NLRP8: variants seen among roughly 807,000 people sequenced by gnomAD.
NLRP8 encodes NACHT, LRR and PYD domains-containing protein 8.
In NLRP8, 86 loss-of-function variants were observed where a neutral mutation model predicts 88.7. The ratio of observed to expected loss-of-function variants is 0.97; its 90% CI spans 0.81 to 1.16. The LOEUF is 1.16. Among genes scored for constraint, NLRP8 ranks in the 50% most tolerant of loss-of-function variants. The pLI, the probability that NLRP8 is intolerant of heterozygous loss-of-function variation, is 0.00. For synonymous variants in NLRP8, 504 were observed against 494.6 expected (o/e 1.02, Z -0.25); for missense variants, 1,342 against 1,286.5 (o/e 1.04, Z -0.66).
rs780097624 is a variant in NLRP8 at position 55,947,881 on chromosome 19, G to A, written c.-22G>A. On this transcript the variant is annotated 5_prime_UTR_variant, in exon 1 of 10. In the 5' UTR this introduces an upstream ATG that the reference lacks. Transcript: ENST00000291971. ...GGTTGTCTTTATCGTGGACACTGAG[G>A]TGTTCTCTGCCTTGACTAAAGATGA... is the stretch of plus-strand genomic sequence containing the variant. The A allele has an allele frequency of 1.7e-5, 27 of 1,591,964 alleles. No homozygotes were observed. The highest frequency in any genetic ancestry group is 2.2e-5 in the Non-Finnish European group (26 of 1,167,278).
chr19:55,983,725 G>A (rs1980675530), intron 9 of NLRP8, among the ~76,000 whole-genome samples: 1 of 143,264 alleles, frequency 7.0e-6, no homozygotes. Context: ...AACGTGCTGA[G>A]ATAAACACAG....
intron 5 of NLRP8, among the ~76,000 whole-genome samples, chr19:55,967,133 C>T (rs989075254): frequency 1.3e-5 from 2 of 152,150 alleles, no homozygotes; most frequent in Admixed American, 6.6e-5. Context: ...TATAGTTCCT[C>T]TGTTGTGCTA....
In NLRP8 at chr19:55,973,668, C is replaced by T. The variant is rs751935071; in HGVS notation, c.2551C>T (p.Leu851Phe). 5.3e-5 allele frequency: 85 copies of T among 1,612,628 alleles called. No homozygotes were observed. The highest frequency in any genetic ancestry group is 2.2e-5 in the East Asian group (1 of 44,856). Residue 851 changes from leucine to phenylalanine, a missense_variant, in exon 7 of 10, where the codon CTT (leucine) becomes TTT (phenylalanine). By Grantham distance (22) the Leu-to-Phe change is conservative. Transcript: ENST00000291971. Reference sequence around the variant, plus strand: ...CTCCCATAGGATAGAGAACTGCAACCTTACACAGCTTACTTGTGAAAGCCT... The same window carrying T: ...CTCCCATAGGATAGAGAACTGCAACTTTACACAGCTTACTTGTGAAAGCCT...
chr19:55,972,317 G>T (rs1449347554), intron 6 of NLRP8, among the ~76,000 whole-genome samples: 1 of 151,542 alleles, frequency 6.6e-6, no homozygotes, highest in Non-Finnish European at 1.5e-5. Context: ...GTTTTGCCAC[G>T]TTGGCCAGGC....
chr19:55,979,705 G>A (rs1025711987), intron 9 of NLRP8, 141 bp downstream of exon 9: 7 of 882,270 alleles, frequency 7.9e-6, no homozygotes, highest in Admixed American at 2.7e-5. Context: ...GATCGCTTGA[G>A]TCTGGAGTTC....
intron 5 of NLRP8, among the ~76,000 whole-genome samples, chr19:55,969,292 T>G (rs1250380205): frequency 2.0e-5 from 3 of 152,196 alleles, no homozygotes; most frequent in African/African-American, 4.8e-5. Context: ...CCCCAGAGTC[T>G]ATTACATCAT....
chr19:55,981,228 AT>A (rs5828662), intron 9 of NLRP8, among the ~76,000 whole-genome samples, 70 bp downstream of exon 10: 54,659 of 148,664 alleles, frequency 0.37, 10,478 homozygotes, highest in Non-Finnish European at 0.43. Flanking sequence ...CCCTCTGGGT[AT>A]TTTTTTTTTT....
intron 9 of NLRP8, among the ~76,000 whole-genome samples, chr19:55,987,123 C>T (rs951293377): frequency 9.2e-5 from 14 of 152,330 alleles, no homozygotes; most frequent in African/African-American, 3.4e-4. Context: ...AATCCCAGCA[C>T]TTTGGGAGGC....
chr19:55,951,266 A>G (rs1311693555), intron 1 of NLRP8, among the ~76,000 whole-genome samples: 1 of 152,198 alleles, frequency 6.6e-6, no homozygotes, highest in Non-Finnish European at 1.5e-5. Context: ...ATAATCAACA[A>G]TATGTACTAA....
At chr19:55,977,034 C>G (rs1391672594) in intron 8 of NLRP8, among the ~76,000 whole-genome samples, 1 of 143,286 alleles carries the variant, frequency 7.0e-6, no homozygotes, top group Non-Finnish European at 1.5e-5. Context: ...GAGCCGAGAT[C>G]ACACCACTGT....
chr19:55,979,373 C>A (rs564221487), intron 8 of NLRP8, 21 bp from the exon 9 acceptor site: 3 of 1,612,546 alleles, frequency 1.9e-6, no homozygotes, highest in African/African-American at 2.7e-5. Context: ...CTGCTGTCTG[C>A]TGTCTGTTTC....
intron 9 of NLRP8, among the ~76,000 whole-genome samples, chr19:55,982,787 G>C (rs1418467863): frequency 6.6e-6 from 1 of 152,136 alleles, no homozygotes; most frequent in South Asian, 2.1e-4. Flanking sequence ...ATTAAAAAAT[G>C]TTTTACAAAT....
intron 8 of NLRP8, among the ~76,000 whole-genome samples, chr19:55,977,511 A>C (rs909633639): frequency 2.1e-5 from 3 of 145,438 alleles, no homozygotes; most frequent in East Asian, 2.0e-4. Flanking sequence ...AAATATATGT[A>C]TTATATATTT....
chr19:55,952,669 A>C (rs1979148917), intron 2 of NLRP8, 57 bp downstream of exon 2: 20 of 1,406,068 alleles, frequency 1.4e-5, no homozygotes, highest in African/African-American at 2.8e-5. Context: ...GACTGGGATG[A>C]GCTGCTCAGT....
At position 55,988,444 on chromosome 19, in the gene NLRP8, G is replaced by A. The variant is rs2053076; in HGVS notation, c.*531G>A. ...CACATAAATATATATATGTGTGTGT[G>A]TATATATATATATATATATATATAT... On this transcript the variant is annotated 3_prime_UTR_variant, in exon 10 of 10. Transcript: ENST00000291971. The A allele has an allele frequency of 0.7, 71,547 of 102,678 alleles. 22,598 individuals are homozygous for A. Among genetic ancestry groups the A allele is most frequent in the South Asian group, 0.75 (2,396 of 3,202 alleles). 6.4% of individuals were successfully genotyped at this position (102,678 alleles called of 1,614,324 possible).
intron 3 of NLRP8, among the ~76,000 whole-genome samples, chr19:55,957,528 A>G (rs1979407060): frequency 6.6e-6 from 1 of 151,624 alleles, no homozygotes. Flanking sequence ...TCTACTAAAA[A>G]CACAAAAATT....
chr19:55,988,543 GCTT>G lies in NLRP8; in HGVS notation c.*636_*638del, dbSNP rs1182289829. On this transcript the variant is annotated 3_prime_UTR_variant, in exon 10 of 10. Transcript: ENST00000291971. ...TAGACAAAGTCTTCATCGTCTTCTTGCTTCTTCTACCTTTATTTATTCTCAGCT... is the reference window on the plus strand; with the variant it reads ...TAGACAAAGTCTTCATCGTCTTCTTGCTTCTACCTTTATTTATTCTCAGCT... 5 of 147,586 alleles carry G rather than the reference GCTT, an allele frequency of 3.4e-5. No individual in the cohort carries two copies. In the South Asian group the frequency reaches 8.5e-4, roughly 25 times the overall value. 9.1% of individuals were successfully genotyped at this position (147,586 alleles called of 1,614,324 possible).
At position 55,969,579 on chromosome 19, in the gene NLRP8, G is replaced by C. The variant is rs568008160; in HGVS notation, c.2382-965G>C. ...CTGCTATAAACATGCATGTGAAAGTGTCTTTTTCACATAAAGACTTCTTTT... is the reference window on the plus strand; with the variant it reads ...CTGCTATAAACATGCATGTGAAAGTCTCTTTTTCACATAAAGACTTCTTTT... On this transcript the variant is annotated intron_variant, in intron 5 of 9. Transcript: ENST00000291971. Among the ~76,000 whole-genome samples, 31 of 152,246 alleles carry C rather than the reference G, an allele frequency of 2.0e-4. No individual in the cohort carries two copies. In the South Asian group the frequency reaches 6.2e-3, roughly 31 times the overall value.
In NLRP8 at chr19:55,962,226, GC is replaced by G; in HGVS notation, c.2203del (p.Gln735LysfsTer5). On this transcript the variant is annotated frameshift_variant, in exon 4 of 10. Coordinates refer to ENST00000291971, the MANE Select transcript of NLRP8 (RefSeq NM_176811.2). LOFTEE classifies it high-confidence loss of function. ...CACTGAGGCACCCTCAGTGCAAACT[GC>G]AAAAGCTACTGTGAGTATAACACAA... The G allele has an allele frequency of 6.2e-7, 1 of 1,613,080 alleles. No homozygotes were observed. The highest frequency in any genetic ancestry group is 8.5e-7 in the Non-Finnish European group (1 of 1,179,778).
Sources: allele counts gnomAD v4.1 joint callset (sites outside exome capture counted in the v4.1 genomes callset), GRCh38; gene constraint gnomAD v4.1.1; transcripts MANE v1.5; gene names NCBI Gene and HGNC (gene_info 2026-07-23, HGNC 2026-07-21).